The following KCP variants were observed in gnomAD, a reference collection of about 807,000 sequenced individuals.
KCP encodes kielin/chordin-like protein.
KCP carries 194 observed loss-of-function variants against 212.7 expected under a neutral mutation model. The ratio of observed to expected loss-of-function variants is 0.91; its 90% CI spans 0.81 to 1.03. The LOEUF is 1.03. KCP is among the 50% of genes least tolerant of loss of function. The pLI is 0.00. For missense variants in KCP, 2,080 were observed against 2,162.5 expected (o/e 0.96, Z 0.76); for synonymous variants, 833 against 865.3 (o/e 0.96, Z 0.65).
chr7:128,892,475 G>A (rs773456353), intron 16 of KCP, 39 bp downstream of exon 16: 13 of 1,407,134 alleles, frequency 9.2e-6, no homozygotes, highest in African/African-American at 1.4e-5. Flanking sequence ...GCAGCCTCTG[G>A]GGCCCTGATC....
Position 128,892,690 on chromosome 7 carries a change from G to A in KCP, c.1525C>T (p.Gln509Ter). 2.6e-6 allele frequency: 4 copies of A among 1,551,720 alleles called. No individual in the cohort carries two copies. The highest frequency in any genetic ancestry group is 3.5e-6 in the Non-Finnish European group (4 of 1,146,940). The change falls in exon 15 of 40, where the codon CAG becomes TAG. Residue 509 changes from glutamine to a stop codon, truncating the protein, a stop_gained and splice_region_variant. Transcript: ENST00000610776. LOFTEE classifies it high-confidence loss of function. ...ADSPCHACHC[Q>*]DGTVTCSLVD... ...CAGCAGCAAGGCTGGGCAGTTACCTGACAGTGGCAGGCATGGCAAGGGCTG... is the reference window on the plus strand; with the variant it reads ...CAGCAGCAAGGCTGGGCAGTTACCTAACAGTGGCAGGCATGGCAAGGGCTG...
In KCP at chr7:128,886,745, G is replaced by T. The variant is rs764559938; in HGVS notation, c.2690-8C>A. 9.0e-6 allele frequency: 14 copies of T among 1,551,252 alleles called. No individual in the cohort carries two copies. The highest frequency in any genetic ancestry group is 2.0e-5 in the Admixed American group (1 of 50,980). Reference sequence around the variant, plus strand: ...GGCCCTGAGAGAGACAGCCTGTGGGGGACACACCTCCTGGGTGGGGGGCCT... The same window carrying T: ...GGCCCTGAGAGAGACAGCCTGTGGGTGACACACCTCCTGGGTGGGGGGCCT... On this transcript the variant is annotated splice_polypyrimidine_tract_variant and splice_region_variant and intron_variant, in intron 24 of 39. Coordinates refer to ENST00000610776, the MANE Select transcript of KCP (RefSeq NM_001366122.1).
chr7:128,886,000 T>TTGA lies in KCP; in HGVS notation c.2866+461_2866+463dup, dbSNP rs542822002. Among the ~76,000 whole-genome samples, 24 of 152,222 alleles carry TTGA rather than the reference T, an allele frequency of 1.6e-4. No homozygotes were observed. In the East Asian group the frequency reaches 2.7e-3, roughly 17 times the overall value. ...ACCTGCTCACTGAATGTCAGGTATC[T>TTGA]TGATGATGATGATGATGGTGGTGAT... On this transcript the variant is annotated intron_variant, in intron 26 of 39. Transcript: ENST00000610776.
Position 128,880,000 on chromosome 7 carries a change from TGGG to T in KCP, c.3842_3844del (p.Pro1281del). The T allele has an allele frequency of 6.5e-7, 1 of 1,550,226 alleles. No homozygotes were observed. The highest frequency in any genetic ancestry group is 8.7e-7 in the Non-Finnish European group (1 of 1,146,896). On this transcript the variant is annotated inframe_deletion, in exon 35 of 40. Coordinates refer to ENST00000610776, the MANE Select transcript of KCP (RefSeq NM_001366122.1). ...CAGGCGGCCGTCGAAGGTGCGGTAA[TGGG>T]GGTCTCCGAAGGCCATGCAGGAAGC...
chr7:128,885,000 A>T (rs1333914235), intron 27 of KCP, 97 bp downstream of exon 27: 1 of 1,522,016 alleles, frequency 6.6e-7, no homozygotes, highest in Non-Finnish European at 8.9e-7. Context: ...CCACTTCTCC[A>T]ACTGCCTGTC....
chr7:128,888,690 A>T (rs1419478266), intron 22 of KCP, among the ~76,000 whole-genome samples, 173 bp downstream of exon 22: 1 of 152,170 alleles, frequency 6.6e-6, no homozygotes, highest in Non-Finnish European at 1.5e-5. Context: ...ACACACATAC[A>T]TACAAACACA....
intron 22 of KCP, among the ~76,000 whole-genome samples, chr7:128,888,386 A>C (rs1793856460): frequency 6.6e-6 from 1 of 151,200 alleles, no homozygotes; most frequent in African/African-American, 2.4e-5. Context: ...CAACACACAC[A>C]GCCACACACA....
rs1444274815 is a variant in KCP, at chr7:128,884,850, C to T, written c.3054G>A (p.Glu1018=). The change falls in exon 28 of 40, where the codon GAG becomes GAA. Residue 1018 remains glutamate (E), a synonymous_variant. Coordinates refer to ENST00000610776, the MANE Select transcript of KCP (RefSeq NM_001366122.1). ...TCTCCCCAGGCTCGTACTTCCGGCC[C>T]TCATGCTCACAGTCTTTGGGGTGGA... The part of the protein sequence containing the change: ...CCPQCSDCEH[E]GRKYEPGESF... 9 of 1,550,994 alleles carry T rather than the reference C, an allele frequency of 5.8e-6. No individual in the cohort carries two copies. The South Asian group carries it at 1.1e-4, about 18-fold the overall frequency.
In KCP at chr7:128,886,856, G is replaced by A. The variant is rs776740398; in HGVS notation, c.2689+20C>T. 1.4e-5 allele frequency: 20 copies of A among 1,472,914 alleles called. No homozygotes were observed. Among genetic ancestry groups the A allele is most frequent in the African/African-American group, 5.6e-5 (4 of 71,306 alleles). 91.2% of individuals were successfully genotyped at this position (1,472,914 alleles called of 1,614,324 possible). On this transcript the variant is annotated intron_variant, in intron 24 of 39. Transcript: ENST00000610776. ...AGGCGGGGAAGGGCATGGGGGCCGC[G>A]CATGAGGAAGGCAGCTCACTGTGGC...
At chr7:128,887,401 C>A (rs571772089) in intron 22 of KCP, 101 bp from the exon 23 acceptor site, 13 of 870,950 alleles carry the variant, frequency 1.5e-5, no homozygotes, top group Admixed American at 1.2e-4. Flanking sequence ...ACAGCCACAG[C>A]CACAGACACA....
chr7:128,883,027 C>A (rs1005137041), intron 29 of KCP, among the ~76,000 whole-genome samples: 4 of 151,742 alleles, frequency 2.6e-5, no homozygotes, highest in African/African-American at 9.7e-5. Context: ...ATTGTGCCAC[C>A]GCACTCCAGC....
chr7:128,908,338 C>T, intron 2 of KCP, 88 bp downstream of exon 2: 2 of 1,256,404 alleles, frequency 1.6e-6, no homozygotes, highest in Non-Finnish European at 2.1e-6. Context: ...CTATTTTAGG[C>T]TCCCCCCTCC....
At chr7:128,881,807 G>A in intron 30 of KCP, 82 bp from the exon 31 acceptor site, 1 of 1,388,516 alleles carries the variant, frequency 7.2e-7, no homozygotes, top group Non-Finnish European at 9.9e-7. Flanking sequence ...GGATGTGACA[G>A]TCAGGACAAG....
Position 128,884,021 on chromosome 7 carries a change from G to A in KCP, c.3225C>T (p.His1075=). ...ACTCACCGGCACAGGTGGGACAGCA[G>A]TGCTGGGGCCCAGGGGGCAGGAGCT... ...PSQLLPPGPQ[H]CCPTCAEALS... The change falls in exon 29 of 40, where the codon CAC becomes CAT. Residue 1075 remains histidine, a synonymous_variant. Coordinates refer to ENST00000610776, the MANE Select transcript of KCP (RefSeq NM_001366122.1). 7 of 1,548,916 alleles carry A rather than the reference G, an allele frequency of 4.5e-6. No homozygotes were observed. Among genetic ancestry groups the A allele is most frequent in the Non-Finnish European group, 6.1e-6 (7 of 1,146,492 alleles).
intron 7 of KCP, 75 bp from the exon 8 acceptor site, chr7:128,902,934 C>G (rs1320386917): frequency 4.5e-6 from 5 of 1,109,148 alleles, no homozygotes; most frequent in Non-Finnish European, 6.7e-6. Context: ...TGCCCGCCTT[C>G]CTTGTCCACA....
chr7:128,889,189 C>G, intron 21 of KCP, 150 bp from the exon 22 acceptor site: 1 of 432,670 alleles, frequency 2.3e-6, no homozygotes, highest in Non-Finnish European at 3.7e-6. Context: ...GCCCAGGGGG[C>G]AAAGCAGTCG....
chr7:128,878,758 G>A, intron 37 of KCP, 36 bp from the exon 38 acceptor site: 1 of 1,535,888 alleles, frequency 6.5e-7, no homozygotes, highest in South Asian at 1.2e-5. Context: ...GAGCAGGGAA[G>A]GACAGGGGCC....
Position 128,903,626 on chromosome 7 carries a change from G to A in KCP, c.748+101C>T, listed in dbSNP as rs775841134. 22 of 944,680 alleles carry A rather than the reference G, an allele frequency of 2.3e-5. No individual in the cohort carries two copies. In the Admixed American group the frequency reaches 2.8e-4, roughly 12 times the overall value. 58.5% of individuals were successfully genotyped at this position (944,680 alleles called of 1,614,324 possible). A position where few individuals can be genotyped will look rare whatever the true frequency, so the allele number is the denominator to read the frequency against. ...AGCTCAGGCATTCCAGCTCCGCCAC[G>A]GACCAAACCCACTGGAGGCCGGCAA... On this transcript the variant is annotated intron_variant, in intron 7 of 39. Transcript: ENST00000610776.
Position 128,886,722 on chromosome 7 carries a change from C to A in KCP, c.2705G>T (p.Gly902Val), listed in dbSNP as rs1024599020. 6.4e-7 allele frequency: 1 copy of A among 1,551,648 alleles called. No individual in the cohort carries two copies. The highest frequency in any genetic ancestry group is 8.7e-7 in the Non-Finnish European group (1 of 1,146,934). Residue 902 changes from glycine (G) to valine (V), a missense_variant, in exon 25 of 40, where the codon GGC becomes GTC. Transcript: ENST00000610776. ...CPVCHSCLSQ[G>V]REHQDGEEFE... is the part of the protein sequence containing the mutation. Reference sequence around the variant, plus strand: ...CTCCTCCCCATCCTGGTGCTCCCGGCCCTGAGAGAGACAGCCTGTGGGGGA... The same window carrying A: ...CTCCTCCCCATCCTGGTGCTCCCGGACCTGAGAGAGACAGCCTGTGGGGGA...
Sources: gnomAD v4.1 joint callset for allele counts (sites outside exome capture counted in the v4.1 genomes callset) on GRCh38, gnomAD v4.1.1 for gene constraint, MANE v1.5 for transcripts, NCBI Gene and HGNC (gene_info 2026-07-23, HGNC 2026-07-21) for gene names.